The following PCDH9 variants were observed in gnomAD, a reference collection of about 807,000 sequenced individuals.
PCDH9 encodes the protein protocadherin-9.
In PCDH9, 24 loss-of-function variants were observed where a neutral mutation model predicts 70.6. The ratio of observed to expected loss-of-function variants is 0.34; its 90% CI spans 0.25 to 0.48. The LOEUF (loss-of-function observed/expected upper bound fraction) is 0.48, where lower values mean the gene tolerates loss of function less well. PCDH9 is among the 20% of genes least tolerant of loss of function. PCDH9 has a pLI of 0.99. For missense variants in PCDH9, 1,281 were observed against 1,503.6 expected, an observed-to-expected ratio of 0.85 and a Z score of 2.45; for synonymous variants, 562 against 558.5, an observed-to-expected ratio of 1.01 and a Z score of -0.09.
At chr13:66,773,637 T>A (rs1203887938) in intron 3 of PCDH9, among the ~76,000 whole-genome samples, 3 of 150,290 alleles carry the variant, frequency 2.0e-5, no homozygotes, top group Non-Finnish European at 4.4e-5. Context: ...CTCAAAAAAA[T>A]AAATAAATAA....
At chr13:66,343,998 A>G (rs1158277143) in intron 4 of PCDH9, among the ~76,000 whole-genome samples, 3 of 152,224 alleles carry the variant, frequency 2.0e-5, no homozygotes, top group Non-Finnish European at 4.4e-5. Flanking sequence ...TCATTTGTCA[A>G]AGTATCCCTT....
intron 2 of PCDH9, among the ~76,000 whole-genome samples, chr13:67,174,940 A>C (rs2088406905): frequency 7.0e-6 from 1 of 143,488 alleles, no homozygotes; most frequent in Non-Finnish European, 1.5e-5. Flanking sequence ...AGATGGGGCC[A>C]TATTTTGAGA....
At position 66,392,887 on chromosome 13, in the gene PCDH9, C is replaced by CT. The variant is rs57735819; in HGVS notation, c.3341-87860dup. On this transcript the variant is annotated intron_variant, in intron 4 of 4. Coordinates refer to ENST00000377865, the MANE Select transcript of PCDH9 (RefSeq NM_203487.3). ...AGTAGGGTAAAAACATGGGCATTTG[C>CT]TTTTTTTTTTTTTTTTCTGAAGGTA... Among the ~76,000 whole-genome samples, 804 of 130,480 alleles carry CT rather than the reference C, an allele frequency of 6.2e-3. 7 individuals are homozygous for CT. Among genetic ancestry groups the CT allele is most frequent in the African/African-American group, 0.011 (402 of 36,102 alleles). 85.6% of individuals were successfully genotyped at this position (130,480 alleles called of 152,430 possible). A position where few individuals can be genotyped will look rare whatever the true frequency, so the allele number is the denominator to read the frequency against.
At chr13:66,717,512 T>C (rs1247699231) in intron 3 of PCDH9, among the ~76,000 whole-genome samples, 1 of 127,600 alleles carries the variant, frequency 7.8e-6, no homozygotes, top group Non-Finnish European at 1.6e-5. Flanking sequence ...TATATATGTA[T>C]ATATGTATAG....
chr13:66,980,726 CT>C (rs1327800250), intron 2 of PCDH9, among the ~76,000 whole-genome samples: 1,083 of 33,398 alleles, frequency 0.032, 25 homozygotes, highest in African/African-American at 0.11. Context: ...CTGTTTTTTT[CT>C]TTGTTTTTTT....
At chr13:67,136,428 G>T (rs559302495) in intron 2 of PCDH9, among the ~76,000 whole-genome samples, 2 of 152,276 alleles carry the variant, frequency 1.3e-5, no homozygotes, top group East Asian at 3.9e-4. Context: ...TCACTGCAGT[G>T]CCTGTTTCTC....
intron 3 of PCDH9, among the ~76,000 whole-genome samples, chr13:66,738,858 C>T (rs1246221122): frequency 2.0e-5 from 3 of 150,690 alleles, no homozygotes; most frequent in East Asian, 2.0e-4. Context: ...ACCAAATCTA[C>T]GTCTGATTGG....
At chr13:66,715,224 A>T (rs1255089031) in intron 3 of PCDH9, among the ~76,000 whole-genome samples, 4 of 152,138 alleles carry the variant, frequency 2.6e-5, no homozygotes, top group Non-Finnish European at 5.9e-5. Flanking sequence ...TACGGCCACA[A>T]TTCTAAATCA....
chr13:66,951,044 C>G (rs1329452896), intron 2 of PCDH9, among the ~76,000 whole-genome samples: 2 of 152,146 alleles, frequency 1.3e-5, no homozygotes, highest in African/African-American at 2.4e-5. Context: ...CTACCCTCAT[C>G]CTTGCTTATC....
At chr13:66,847,458 G>C (rs781648957) in intron 3 of PCDH9, among the ~76,000 whole-genome samples, 5 of 152,048 alleles carry the variant, frequency 3.3e-5, no homozygotes, top group Non-Finnish European at 7.4e-5. Flanking sequence ...TTATAAGTTA[G>C]GCACAGTAAG....
intron 3 of PCDH9, among the ~76,000 whole-genome samples, chr13:66,873,384 T>C (rs928966098): frequency 6.6e-5 from 10 of 152,290 alleles, no homozygotes; most frequent in South Asian, 2.1e-4. Context: ...TAAGCATTCA[T>C]AGGGGAAGGA....
intron 3 of PCDH9, among the ~76,000 whole-genome samples, chr13:66,807,086 G>C (rs1392325055): frequency 6.6e-6 from 1 of 152,072 alleles, no homozygotes; most frequent in East Asian, 1.9e-4. Context: ...ATAATTGAAT[G>C]CCAGATTTAC....
intron 2 of PCDH9, chr13:67,213,218 A>C (rs2089509894): frequency 9.4e-6 from 1 of 105,904 alleles, no homozygotes; most frequent in African/African-American, 3.1e-5. Flanking sequence ...AAAAAAAAAA[A>C]AAAAAAAAAA....
intron 2 of PCDH9, among the ~76,000 whole-genome samples, chr13:67,190,963 GA>G (rs1471700980): frequency 6.6e-6 from 1 of 151,932 alleles, no homozygotes; most frequent in Non-Finnish European, 1.5e-5. Context: ...TCTTCTTACT[GA>G]AAAACACTAA....
At chr13:66,893,579 T>C (rs1224693721) in intron 3 of PCDH9, among the ~76,000 whole-genome samples, 2 of 152,182 alleles carry the variant, frequency 1.3e-5, no homozygotes, top group African/African-American at 4.8e-5. Context: ...TAAGAAGTGG[T>C]ACATAAGTAT....
chr13:66,982,497 G>C (rs1231550091), intron 2 of PCDH9, among the ~76,000 whole-genome samples: 2 of 152,102 alleles, frequency 1.3e-5, no homozygotes, highest in Non-Finnish European at 2.9e-5. Context: ...TCCAATATTT[G>C]GTTATAAAGG....
intron 4 of PCDH9, among the ~76,000 whole-genome samples, chr13:66,561,304 C>G (rs186559467): frequency 1.1e-4 from 17 of 152,348 alleles, no homozygotes; most frequent in South Asian, 6.2e-4. Flanking sequence ...GGCTTCCCCC[C>G]ACCCACTCTG....
At chr13:66,568,135 C>G (rs2076678709) in intron 4 of PCDH9, among the ~76,000 whole-genome samples, 1 of 152,066 alleles carries the variant, frequency 6.6e-6, no homozygotes, top group Non-Finnish European at 1.5e-5. Flanking sequence ...GGGCCCTAAT[C>G]TGATAGGGTT....
chr13:66,595,991 G>T (rs2138831008), intron 4 of PCDH9, among the ~76,000 whole-genome samples: 1 of 151,690 alleles, frequency 6.6e-6, no homozygotes, highest in Non-Finnish European at 1.5e-5. Flanking sequence ...CAAGGTCAAA[G>T]ACTGCATTAA....
Sources: gnomAD v4.1 joint callset for allele counts (sites outside exome capture counted in the v4.1 genomes callset) on GRCh38, gnomAD v4.1.1 for gene constraint, MANE v1.5 for transcripts, NCBI Gene and HGNC (gene_info 2026-07-23, HGNC 2026-07-21) for gene names.